The following PBX3 variants were observed in gnomAD, a reference collection of about 807,000 sequenced individuals.
The protein encoded by PBX3 is pre-B-cell leukemia transcription factor 3.
A neutral mutation model predicts 48.5 loss-of-function variants in PBX3; 14 were observed. The observed-to-expected ratio is 0.29, with a 90% CI of 0.19 to 0.45. The LOEUF (loss-of-function observed/expected upper bound fraction) is 0.45. Among genes scored for constraint, PBX3 ranks in the 20% least tolerant of loss-of-function variants. PBX3 has a pLI of 1.00. For synonymous variants in PBX3, 210 were observed against 200.3 expected, an observed-to-expected ratio of 1.05 and a Z score of -0.41; for missense variants, 386 against 546.7, an observed-to-expected ratio of 0.71 and a Z score of 2.93.
intron 2 of PBX3, among the ~76,000 whole-genome samples, chr9:125,802,954 C>T (rs1173187824): frequency 6.6e-6 from 1 of 152,016 alleles, no homozygotes; most frequent in Non-Finnish European, 1.5e-5. Context: ...GCTGGGATTA[C>T]AGGCGTGAGC....
chr9:125,867,468 C>T (rs1381937308), intron 2 of PBX3, among the ~76,000 whole-genome samples: 1 of 151,694 alleles, frequency 6.6e-6, no homozygotes. Flanking sequence ...AGTGAAACCC[C>T]ATCTGTACTA....
At chr9:125,747,768 T>G in intron 1 of PBX3, 115 bp downstream of exon 1, 1 of 766,922 alleles carries the variant, frequency 1.3e-6, no homozygotes, top group Non-Finnish European at 1.9e-6. Flanking sequence ...CGGGGAACTT[T>G]CTCCGAAAGC....
At chr9:125,789,435 A>G (rs1837541206) in intron 2 of PBX3, among the ~76,000 whole-genome samples, 1 of 152,092 alleles carries the variant, frequency 6.6e-6, no homozygotes, top group African/African-American at 2.4e-5. Context: ...CACTCACATG[A>G]CTATTGACAG....
chr9:125,799,475 C>T (rs1463433080), intron 2 of PBX3, among the ~76,000 whole-genome samples: 4 of 152,178 alleles, frequency 2.6e-5, no homozygotes, highest in Admixed American at 6.5e-5. Flanking sequence ...CACTGCACTC[C>T]GGCCTGGGTA....
intron 2 of PBX3, among the ~76,000 whole-genome samples, chr9:125,821,628 C>T (rs1241500788): frequency 6.6e-6 from 1 of 152,068 alleles, no homozygotes; most frequent in East Asian, 1.9e-4. Flanking sequence ...CTATTTCTTA[C>T]CGAATTTATT....
rs1841431203 is a variant in PBX3 at position 125,920,334 on chromosome 9, C to A, written c.516+4407C>A. Reference sequence around the variant, plus strand: ...AAATACTTTCTTATGGTTAAAGGACCACTGTTAGAATAGGTGAGTTCCTAG... The same window carrying A: ...AAATACTTTCTTATGGTTAAAGGACAACTGTTAGAATAGGTGAGTTCCTAG... On this transcript the variant is annotated intron_variant, in intron 3 of 8. Transcript: ENST00000373489. Among the ~76,000 whole-genome samples the A allele has an allele frequency of 2.0e-5, 3 of 152,194 alleles. No individual in the cohort carries two copies. The South Asian group carries it at 6.2e-4, about 32-fold the overall frequency.
intron 2 of PBX3, among the ~76,000 whole-genome samples, chr9:125,780,458 C>T (rs888746921): frequency 1.4e-3 from 151 of 110,736 alleles, no homozygotes; most frequent in Non-Finnish European, 2.0e-3. Flanking sequence ...GCTGGCCGGG[C>T]GGGGGGCTGA....
At chr9:125,747,967 C>T (rs531477743) in intron 1 of PBX3, among the ~76,000 whole-genome samples, 1 of 151,862 alleles carries the variant, frequency 6.6e-6, no homozygotes, top group South Asian at 2.1e-4. Context: ...CGACCCCGTG[C>T]GGGCCGCGCC....
chr9:125,919,760 A>G (rs958930036), intron 3 of PBX3, among the ~76,000 whole-genome samples: 3 of 152,220 alleles, frequency 2.0e-5, no homozygotes, highest in Non-Finnish European at 4.4e-5. Flanking sequence ...TTAGATTGCC[A>G]TAAAACTAAC....
intron 2 of PBX3, among the ~76,000 whole-genome samples, chr9:125,790,571 T>G (rs1837572458): frequency 6.6e-6 from 1 of 151,480 alleles, no homozygotes; most frequent in African/African-American, 2.4e-5. Flanking sequence ...TCTTTATAAT[T>G]TAATTTAATT....
intron 2 of PBX3, among the ~76,000 whole-genome samples, chr9:125,777,665 A>G (rs10986908): frequency 0.02 from 3,050 of 151,974 alleles, 169 homozygotes; most frequent in East Asian, 0.17. Context: ...CGCCCAGCCT[A>G]ATTATTCTTT....
chr9:125,748,796 C>G, intron 2 of PBX3, 173 bp downstream of exon 2: 1 of 516,176 alleles, frequency 1.9e-6, no homozygotes, highest in Non-Finnish European at 3.5e-6. Context: ...GAGTCAATTT[C>G]TCAGTTCTGC....
rs574794221 is a variant in PBX3 at position 125,792,520 on chromosome 9, C to G, written c.274+43897C>G. On this transcript the variant is annotated intron_variant, in intron 2 of 8. Transcript: ENST00000373489. ...CCTGATTGGAAACTGGCTAGTTTGG[C>G]CCATAGTGGTATCCTTTAGGTCAAG... 2.6e-5 allele frequency among the ~76,000 whole-genome samples: 4 copies of G among 151,958 alleles called. No homozygotes were observed. The South Asian group carries it at 8.3e-4, about 32-fold the overall frequency.
intron 2 of PBX3, among the ~76,000 whole-genome samples, chr9:125,912,439 C>G (rs926955102): frequency 2.0e-5 from 3 of 152,112 alleles, no homozygotes; most frequent in Non-Finnish European, 2.9e-5. Context: ...TGCAGATGCT[C>G]TCTCCCATTA....
chr9:125,915,552 C>T (rs1841309144), intron 2 of PBX3, 134 bp from the exon 3 acceptor site: 2 of 655,536 alleles, frequency 3.1e-6, no homozygotes, highest in South Asian at 2.0e-5. Context: ...CAAATGTGAA[C>T]AATGAAGTTC....
intron 2 of PBX3, among the ~76,000 whole-genome samples, chr9:125,832,356 T>C (rs12338120): frequency 0.71 from 108,065 of 151,870 alleles, 38,985 homozygotes; most frequent in African/African-American, 0.81. Flanking sequence ...CCACCACGCC[T>C]GTCTAATTTT....
chr9:125,930,890 A>T (rs530505679), intron 4 of PBX3, among the ~76,000 whole-genome samples: 1 of 152,242 alleles, frequency 6.6e-6, no homozygotes, highest in Admixed American at 6.5e-5. Flanking sequence ...TGCTCGATAC[A>T]TGCATACTTC....
At chr9:125,845,262 T>C (rs1340839073) in intron 2 of PBX3, among the ~76,000 whole-genome samples, 2 of 152,138 alleles carry the variant, frequency 1.3e-5, no homozygotes, top group African/African-American at 4.8e-5. Flanking sequence ...AGCATTTTTA[T>C]GTATATATTT....
At position 125,747,663 on chromosome 9, in the gene PBX3, G is replaced by C; in HGVS notation, c.200+10G>C. On this transcript the variant is annotated intron_variant, in intron 1 of 8. Coordinates refer to ENST00000373489, the MANE Select transcript of PBX3 (RefSeq NM_006195.6). ...ACGAGGCGCAAGCAAAGTTGGTGTC[G>C]TCTCATTAAGCATCTTTTGTGTGTG... 3 of 1,580,204 alleles carry C rather than the reference G, an allele frequency of 1.9e-6. No individual in the cohort carries two copies. The highest frequency in any genetic ancestry group is 2.6e-6 in the Non-Finnish European group (3 of 1,163,196).
Sources: gnomAD v4.1 joint callset for allele counts (sites outside exome capture counted in the v4.1 genomes callset) on GRCh38, gnomAD v4.1.1 for gene constraint, MANE v1.5 for transcripts, NCBI Gene and HGNC (gene_info 2026-07-23, HGNC 2026-07-21) for gene names.